ENO4: variants seen among roughly 807,000 people sequenced by gnomAD.
ENO4 encodes 2-phospho-D-glycerate hydro-lyase.
In ENO4, 53 loss-of-function variants were observed where a neutral mutation model predicts 63.2. That is an observed-to-expected ratio of 0.84 (90% confidence interval 0.67 to 1.05). The LOEUF is 1.05. ENO4 is among the 50% of genes least tolerant of loss of function. ENO4 has a pLI of 0.00. For missense variants in ENO4, 719 were observed against 772.0 expected, an observed-to-expected ratio of 0.93 and a Z score of 0.81; for synonymous variants, 266 against 283.8, an observed-to-expected ratio of 0.94 and a Z score of 0.63.
chr10:116,896,942 G>A (rs1441484164), intron 10 of ENO4, among the ~76,000 whole-genome samples: 1 of 152,016 alleles, frequency 6.6e-6, no homozygotes, highest in Non-Finnish European at 1.5e-5. Context: ...AAGTAGCTAG[G>A]ATTACAGGCA....
intron 10 of ENO4, among the ~76,000 whole-genome samples, chr10:116,874,691 G>A (rs967941187): frequency 6.6e-6 from 1 of 151,940 alleles, no homozygotes; most frequent in Non-Finnish European, 1.5e-5. Flanking sequence ...TCTTTTATTT[G>A]AGACAGGGTC....
Position 116,849,552 on chromosome 10 carries a change from C to T in ENO4, c.-15C>T. 9 of 1,526,170 alleles carry T rather than the reference C, an allele frequency of 5.9e-6. No homozygotes were observed. The highest frequency in any genetic ancestry group is 7.9e-6 in the Non-Finnish European group (9 of 1,135,936). The allele number at this position is 1,526,170 out of a possible 1,614,324, so 94.5% of individuals were successfully genotyped here. ...ACCCCAGGCTAAACCCCGCTGTAGC[C>T]TTAAATCTCCTACCATGGAGGAAGA... On this transcript the variant is annotated 5_prime_UTR_variant, in exon 1 of 14. Coordinates refer to ENST00000341276, the MANE Select transcript of ENO4 (RefSeq NM_001242699.2).
intron 5 of ENO4, 23 bp from the exon 6 acceptor site, chr10:116,861,035 TC>T (rs1846395251): frequency 6.5e-7 from 1 of 1,544,210 alleles, no homozygotes; most frequent in African/African-American, 1.4e-5. Flanking sequence ...TTTCTCATTT[TC>T]CCTCGTTTTC....
chr10:116,893,576 G>GTGCACACACACACACACACACACACACA (rs1554905666), intron 10 of ENO4, among the ~76,000 whole-genome samples: 12 of 123,594 alleles, frequency 9.7e-5, no homozygotes, highest in Non-Finnish European at 1.6e-4. Context: ...GCACTCATGT[G>GTGCACACACACACACACACACACACACA]CACACACACA....
At chr10:116,896,511 T>C (rs770247472) in intron 10 of ENO4, among the ~76,000 whole-genome samples, 1 of 152,160 alleles carries the variant, frequency 6.6e-6, no homozygotes. Flanking sequence ...ATCAAGTGTC[T>C]ATGTCACATT....
At position 116,871,166 on chromosome 10, in the gene ENO4, C is replaced by A; in HGVS notation, c.1089C>A (p.Thr363=). 1 of 1,550,392 alleles carries A rather than the reference C, an allele frequency of 6.4e-7. No individual in the cohort carries two copies. Among genetic ancestry groups the A allele is most frequent in the Non-Finnish European group, 8.7e-7 (1 of 1,146,940 alleles). ...TGKMSHLGCL[T]INCDSIEQPL... is the part of the protein sequence containing the mutation. ...AGATGTCTCATCTTGGCTGTTTAAC[C>A]ATTAACTGTGACTCCATAGAACAGC... The change falls in exon 9 of 14, where the codon ACC becomes ACA. Residue 363 remains threonine (T), a synonymous_variant. Transcript: ENST00000341276.
intron 3 of ENO4, among the ~76,000 whole-genome samples, chr10:116,857,334 TTTA>T (rs1335879659): frequency 5.3e-5 from 8 of 152,134 alleles, no homozygotes. Flanking sequence ...CTCATATCCT[TTTA>T]TTTAGTCACA....
At chr10:116,891,222 C>G (rs550882928) in intron 10 of ENO4, among the ~76,000 whole-genome samples, 2 of 152,206 alleles carry the variant, frequency 1.3e-5, no homozygotes, top group African/African-American at 2.4e-5. Flanking sequence ...AAAATGCTAC[C>G]TCTGAAAAGC....
chr10:116,904,956 C>CT (rs1425328427), intron 10 of ENO4, among the ~76,000 whole-genome samples: 4 of 151,310 alleles, frequency 2.6e-5, no homozygotes, highest in African/African-American at 9.7e-5. Flanking sequence ...AATCCCAGCA[C>CT]TTTGGGAGGC....
At chr10:116,901,292 T>C (rs192248751) in intron 10 of ENO4, 220 of 985,284 alleles carry the variant, frequency 2.2e-4, no homozygotes, top group African/African-American at 8.5e-4. Context: ...ACTCTTTACA[T>C]AGTATGTTTT....
At chr10:116,885,132 A>G (rs1218317145), downstream of ENO4, 1 of 152,628 alleles carries the variant, frequency 6.6e-6, no homozygotes, top group Non-Finnish European at 1.5e-5. Context: ...AATACAATAC[A>G]ATACAACTAC....
At chr10:116,907,810 G>C (rs1374070336) in intron 10 of ENO4, 5 of 489,962 alleles carry the variant, frequency 1.0e-5, no homozygotes, top group Middle Eastern at 3.2e-4. Flanking sequence ...TCATGCCAGA[G>C]TCAAAAGACA....
In ENO4 at chr10:116,876,237, T is replaced by C. The variant is rs1481145675; in HGVS notation, c.1514T>C (p.Val505Ala). ...AACCAAACTACAATGTCTGACTTGGTGGAAATAACCAATCTGATTGACAGT... is the reference window on the plus strand; with the variant it reads ...AACCAAACTACAATGTCTGACTTGGCGGAAATAACCAATCTGATTGACAGT... ...HTNQTTMSDL[V>A]EITNLIDSKK... is the part of the protein sequence containing the mutation. Residue 505 changes from valine (V) to alanine (A), a missense_variant, in exon 11 of 14, where the codon GTG (valine) becomes GCG (alanine). By Grantham distance (64) the Val-to-Ala change is moderately conservative (BLOSUM62 0). This residue lies in a region of ENO4 where 168 missense variants were observed against 163.3 expected (regional missense o/e 1.03). Coordinates refer to ENST00000341276, the MANE Select transcript of ENO4 (RefSeq NM_001242699.2). 2 of 1,546,856 alleles carry C rather than the reference T, an allele frequency of 1.3e-6. No individual in the cohort carries two copies. The highest frequency in any genetic ancestry group is 1.7e-6 in the Non-Finnish European group (2 of 1,145,844).
At chr10:116,871,540 G>C (rs574954551) in intron 9 of ENO4, among the ~76,000 whole-genome samples, 15 of 152,124 alleles carry the variant, frequency 9.9e-5, no homozygotes, top group African/African-American at 2.9e-4. Context: ...ATAAAGATAA[G>C]TAAAATGAGT....
At chr10:116,852,643 T>C (rs998064568) in intron 1 of ENO4, among the ~76,000 whole-genome samples, 2 of 152,202 alleles carry the variant, frequency 1.3e-5, no homozygotes, top group Non-Finnish European at 2.9e-5. Context: ...ATATGGAAGC[T>C]TGTCCTCTTG....
intron 7 of ENO4, chr10:116,864,314 A>T (rs543777696): frequency 6.6e-6 from 1 of 152,262 alleles, no homozygotes; most frequent in Non-Finnish European, 1.5e-5. Flanking sequence ...CTTTACTAAA[A>T]ATACAAAAAA....
chr10:116,892,641 A>G (rs1422722151), intron 10 of ENO4, among the ~76,000 whole-genome samples: 1 of 152,142 alleles, frequency 6.6e-6, no homozygotes, highest in Admixed American at 6.5e-5. Flanking sequence ...TTTTCTTTCA[A>G]TTTACTGTGT....
intron 9 of ENO4, among the ~76,000 whole-genome samples, chr10:116,872,564 A>G (rs1435433145): frequency 6.6e-6 from 1 of 152,088 alleles, no homozygotes; most frequent in Admixed American, 6.5e-5. Context: ...TTCCACCATG[A>G]TTGTGTGGCC....
intron 10 of ENO4, among the ~76,000 whole-genome samples, chr10:116,908,430 C>T (rs1427379700): frequency 1.3e-5 from 2 of 152,086 alleles, no homozygotes; most frequent in Non-Finnish European, 2.9e-5. Flanking sequence ...ATGACCAATA[C>T]TGACAAGATA....
Sources: gnomAD v4.1 joint callset for allele counts (sites outside exome capture counted in the v4.1 genomes callset) on GRCh38, gnomAD v4.1.1 for gene constraint, gnomAD v4.1.1 regional missense constraint, MANE v1.5 for transcripts, NCBI Gene and HGNC (gene_info 2026-07-23, HGNC 2026-07-21) for gene names.